Variants in ADARB2 observed in about 807,000 individuals in gnomAD.
The protein encoded by ADARB2 is inactive double-stranded RNA-specific editase B2.
A neutral mutation model predicts 62.2 loss-of-function variants in ADARB2; 25 were observed. The observed-to-expected ratio is 0.40, with a 90% CI of 0.29 to 0.56. The LOEUF is 0.56. Ranked by LOEUF, ADARB2 falls within the 20% of genes least tolerant of loss-of-function variation. The pLI, the probability that ADARB2 is intolerant of heterozygous loss-of-function variation, is 0.43. For missense variants in ADARB2, 1,071 were observed against 1,077.4 expected, an observed-to-expected ratio of 0.99 and a Z score of 0.08; for synonymous variants, 572 against 500.8, an observed-to-expected ratio of 1.14 and a Z score of -1.90.
At chr10:1,734,305 T>G (rs956881570) in intron 1 of ADARB2, among the ~76,000 whole-genome samples, 1 of 151,682 alleles carries the variant, frequency 6.6e-6, no homozygotes, top group Non-Finnish European at 1.5e-5. Flanking sequence ...TGTTTTTTTT[T>G]TTTTTTTTTT....
chr10:1,735,421 T>A (rs1835288727), intron 1 of ADARB2, among the ~76,000 whole-genome samples: 1 of 152,318 alleles, frequency 6.6e-6, no homozygotes, highest in African/African-American at 2.4e-5. Flanking sequence ...CTGTTTATAT[T>A]TATAAAATGC....
chr10:1,429,781 T>G (rs1311470160), intron 1 of ADARB2, among the ~76,000 whole-genome samples: 3 of 152,234 alleles, frequency 2.0e-5, no homozygotes, highest in Non-Finnish European at 2.9e-5. Flanking sequence ...GATACAATCT[T>G]TCTCTTCCTT....
At chr10:1,391,322 G>T (rs1400861372) in intron 1 of ADARB2, among the ~76,000 whole-genome samples, 1 of 152,208 alleles carries the variant, frequency 6.6e-6, no homozygotes, top group Non-Finnish European at 1.5e-5. Flanking sequence ...TGTGCACTAG[G>T]GGATAAATTG....
At chr10:1,346,161 T>G (rs907726873) in intron 3 of ADARB2, among the ~76,000 whole-genome samples, 8 of 152,190 alleles carry the variant, frequency 5.3e-5, no homozygotes, top group African/African-American at 1.9e-4. Context: ...GTGCATTAAT[T>G]TAGAAAAATG....
chr10:1,471,257 C>T (rs1418409522), intron 1 of ADARB2, among the ~76,000 whole-genome samples: 7 of 152,246 alleles, frequency 4.6e-5, no homozygotes, highest in Non-Finnish European at 1.0e-4. Context: ...AACCTTCCCA[C>T]CGTTCTCCTT....
At chr10:1,315,728 AT>A (rs1261629126) in intron 3 of ADARB2, among the ~76,000 whole-genome samples, 1 of 152,236 alleles carries the variant, frequency 6.6e-6, no homozygotes, top group African/African-American at 2.4e-5. Context: ...ACCACGTTAA[AT>A]ATCAGCCTCC....
chr10:1,399,521 G>C (rs1419205698), intron 1 of ADARB2, among the ~76,000 whole-genome samples: 1 of 152,086 alleles, frequency 6.6e-6, no homozygotes, highest in South Asian at 2.1e-4. Flanking sequence ...GGTCTAGCAG[G>C]GTCCCCGGCC....
intron 1 of ADARB2, among the ~76,000 whole-genome samples, chr10:1,546,776 A>G (rs1353322044): frequency 6.6e-6 from 1 of 152,214 alleles, no homozygotes; most frequent in Non-Finnish European, 1.5e-5. Flanking sequence ...CCCATTACCC[A>G]TCTCCCGATA....
chr10:1,674,080 T>C (rs1157394388), intron 1 of ADARB2, among the ~76,000 whole-genome samples: 1 of 152,236 alleles, frequency 6.6e-6, no homozygotes, highest in African/African-American at 2.4e-5. Context: ...CTGAAGTCGA[T>C]GTCAGACCTG....
At chr10:1,401,786 T>A (rs2805520) in intron 1 of ADARB2, among the ~76,000 whole-genome samples, 7,391 of 152,188 alleles carry the variant, frequency 0.049, 629 homozygotes, top group African/African-American at 0.17. Context: ...AGTTTCTTGC[T>A]TGTCTTTAGA....
chr10:1,411,207 C>A (rs1832756640), intron 1 of ADARB2, among the ~76,000 whole-genome samples: 1 of 152,164 alleles, frequency 6.6e-6, no homozygotes, highest in African/African-American at 2.4e-5. Context: ...ATCTCAGGGG[C>A]CTGGTTCAGG....
chr10:1,418,461 A>G lies in ADARB2; in HGVS notation c.101-39301T>C, dbSNP rs762323254. ...GTATGTGGGTTCTGGCTAGAGGCAG[A>G]CGAGGCCCAAGGTACCAAGGAGAAG... On this transcript the variant is annotated intron_variant, in intron 1 of 9. Coordinates refer to ENST00000381312, the MANE Select transcript of ADARB2 (RefSeq NM_018702.4). Among the ~76,000 whole-genome samples the G allele has an allele frequency of 1.2e-3, 187 of 152,212 alleles. 6 individuals are homozygous for G. The highest frequency in any genetic ancestry group is 1.6e-3 in the Non-Finnish European group (107 of 68,030).
chr10:1,506,026 T>A (rs914162505), intron 1 of ADARB2, among the ~76,000 whole-genome samples: 5 of 152,212 alleles, frequency 3.3e-5, no homozygotes, highest in African/African-American at 1.2e-4. Flanking sequence ...TCATCTATGA[T>A]CTGATTATTA....
chr10:1,321,897 A>G (rs1831799109), intron 3 of ADARB2, among the ~76,000 whole-genome samples: 1 of 151,822 alleles, frequency 6.6e-6, no homozygotes, highest in Non-Finnish European at 1.5e-5. Context: ...GGGAAGGGGA[A>G]GAGAGAGGAA....
chr10:1,352,420 C>T (rs915613377), intron 3 of ADARB2, among the ~76,000 whole-genome samples: 3 of 152,160 alleles, frequency 2.0e-5, no homozygotes, highest in African/African-American at 4.8e-5. Context: ...TAGAGACTGC[C>T]GCCACCCTAG....
intron 1 of ADARB2, among the ~76,000 whole-genome samples, chr10:1,728,950 C>G (rs1012734094): frequency 6.6e-6 from 1 of 152,186 alleles, no homozygotes; most frequent in Non-Finnish European, 1.5e-5. Flanking sequence ...TACTGCTTAT[C>G]CTAGTACTTT....
At chr10:1,659,593 A>T (rs1161154535) in intron 1 of ADARB2, among the ~76,000 whole-genome samples, 1 of 152,218 alleles carries the variant, frequency 6.6e-6, no homozygotes, top group East Asian at 1.9e-4. Context: ...CTGGAATACA[A>T]CGCCTTTGTC....
intron 1 of ADARB2, among the ~76,000 whole-genome samples, chr10:1,705,617 G>A (rs574548038): frequency 3.0e-4 from 46 of 152,298 alleles, no homozygotes; most frequent in African/African-American, 1.1e-3. Context: ...AGACATAACT[G>A]TCCTGAAATG....
chr10:1,248,309 G>C (rs915063186), intron 4 of ADARB2, among the ~76,000 whole-genome samples: 1 of 151,134 alleles, frequency 6.6e-6, no homozygotes, highest in Non-Finnish European at 1.5e-5. Context: ...CAAACAGGAA[G>C]CTCTGGAGTG....
Sources: gnomAD v4.1 joint callset for allele counts (sites outside exome capture counted in the v4.1 genomes callset) on GRCh38, gnomAD v4.1.1 for gene constraint, MANE v1.5 for transcripts, NCBI Gene and HGNC (gene_info 2026-07-23, HGNC 2026-07-21) for gene names.